Variants in CCP110 observed in about 807,000 individuals in gnomAD.
The protein encoded by CCP110 is centriolar coiled-coil protein of 110 kDa.
Under a neutral mutation model 105.5 loss-of-function variants are expected in CCP110, and 43 were observed. The ratio of observed to expected loss-of-function variants is 0.41; its 90% CI spans 0.32 to 0.53. CCP110 has a LOEUF of 0.53. CCP110 is among the 20% of genes least tolerant of loss of function. CCP110 has a pLI of 0.32. For synonymous variants in CCP110, 353 were observed against 392.1 expected, an observed-to-expected ratio of 0.90 and a Z score of 1.18; for missense variants, 1,016 against 1,189.1, an observed-to-expected ratio of 0.85 and a Z score of 2.14.
exon 15 of CCP110, chr16:19,552,399 T>A (rs954034446): frequency 2.7e-4 from 41 of 152,208 alleles, no homozygotes; most frequent in African/African-American, 8.9e-4. Context: ...TGGTGGTGCA[T>A]GCCTGTAGTT....
exon 4 of CCP110, chr16:19,536,794 G>C (rs7190666): frequency 6.2e-7 from 1 of 1,613,782 alleles, no homozygotes; most frequent in Non-Finnish European, 8.5e-7. Context: ...GTCCTAAAAT[G>C]CACCGAAGAC....
intron 2 of CCP110, among the ~76,000 whole-genome samples, chr16:19,529,565 ATG>A (rs372735335): frequency 3.3e-5 from 5 of 152,174 alleles, no homozygotes; most frequent in African/African-American, 1.2e-4. Flanking sequence ...ATATACATCT[ATG>A]TGTGTGTGTA....
chr16:19,530,770 A>C (rs540770992), intron 2 of CCP110, among the ~76,000 whole-genome samples: 27 of 152,196 alleles, frequency 1.8e-4, no homozygotes, highest in African/African-American at 6.3e-4. Flanking sequence ...CCTGGCCAAC[A>C]TGGCGAAACC....
chr16:19,538,893 C>T (rs994418520), intron 4 of CCP110, among the ~76,000 whole-genome samples: 28 of 152,052 alleles, frequency 1.8e-4, no homozygotes, highest in Admixed American at 1.3e-3. Context: ...GGGTGGATCA[C>T]TTGAGGTCAG....
At chr16:19,540,594 G>T (rs1970241895) in intron 4 of CCP110, 63 bp from the exon 5 acceptor site, 22 of 1,316,726 alleles carry the variant, frequency 1.7e-5, no homozygotes, top group Non-Finnish European at 2.3e-5. Context: ...TAAATTGATG[G>T]TATAAAATAT....
intron 12 of CCP110, 44 bp downstream of exon 12, chr16:19,546,518 T>TA: frequency 7.9e-7 from 1 of 1,263,722 alleles, no homozygotes; most frequent in Non-Finnish European, 1.1e-6. Context: ...TTTTGTTTTT[T>TA]ATAGAAAAAA....
At chr16:19,544,958 A>G (rs1346526482) in intron 9 of CCP110, 60 bp downstream of exon 9, 1 of 1,052,552 alleles carries the variant, frequency 9.5e-7, no homozygotes, top group African/African-American at 1.6e-5. Context: ...CTCCTTTTTT[A>G]TTTAATCACT....
chr16:19,535,604 G>C (rs12447447), intron 3 of CCP110, among the ~76,000 whole-genome samples: 23,246 of 152,108 alleles, frequency 0.15, 1,848 homozygotes, highest in Admixed American at 0.2. Flanking sequence ...TTAAGTGCTT[G>C]TATTCTAAGA....
chr16:19,538,973 G>A (rs570738430), intron 4 of CCP110, among the ~76,000 whole-genome samples: 218 of 151,976 alleles, frequency 1.4e-3, no homozygotes, highest in African/African-American at 5.0e-3. Flanking sequence ...TTAGCTGGGC[G>A]TAGTGGTGCA....
intron 12 of CCP110, 140 bp downstream of exon 12, chr16:19,546,614 T>G (rs1220338143): frequency 3.7e-6 from 2 of 534,794 alleles, no homozygotes; most frequent in Non-Finnish European, 6.7e-6. Flanking sequence ...GTCGGGAGTT[T>G]GAGACCAGCC....
chr16:19,539,591 TG>T (rs1490293063), intron 4 of CCP110, among the ~76,000 whole-genome samples: 1 of 151,806 alleles, frequency 6.6e-6, no homozygotes, highest in African/African-American at 2.4e-5. Flanking sequence ...TAGGCTCAGG[TG>T]ATCAGCCCTC....
exon 7 of CCP110, chr16:19,542,747 C>G: frequency 6.2e-7 from 1 of 1,613,298 alleles, no homozygotes; most frequent in East Asian, 2.2e-5. Flanking sequence ...AGAGCCAAAA[C>G]TAGATGGTCT....
chr16:19,540,608 A>G (rs1970242447), intron 4 of CCP110, 49 bp from the exon 5 acceptor site: 3 of 1,485,920 alleles, frequency 2.0e-6, no homozygotes, highest in Non-Finnish European at 2.8e-6. Context: ...AAAATATCAG[A>G]CATTAGACTT....
intron 5 of CCP110, 62 bp downstream of exon 5, chr16:19,540,849 T>G: frequency 6.5e-7 from 1 of 1,533,022 alleles, no homozygotes; most frequent in Non-Finnish European, 8.9e-7. Flanking sequence ...ACCTATGAAT[T>G]TTGGTCATGT....
At chr16:19,549,221 T>C (rs1970556808) in intron 14 of CCP110, among the ~76,000 whole-genome samples, 1 of 152,254 alleles carries the variant, frequency 6.6e-6, no homozygotes, top group East Asian at 1.9e-4. Flanking sequence ...TAGGTATCTT[T>C]GTTAAGACAC....
rs575610186 is a variant in CCP110, at chr16:19,539,333, A to G, written c.1919-1324A>G. Among the ~76,000 whole-genome samples the G allele has an allele frequency of 4.0e-5, 6 of 151,378 alleles. No homozygotes were observed. In the South Asian group the frequency reaches 8.3e-4, roughly 21 times the overall value. Reference sequence around the variant, plus strand: ...CTTATGGGAAATACAGGGTTGGGTCAGACTGCTTAAAACCTGTGCAACTTT... The same window carrying G: ...CTTATGGGAAATACAGGGTTGGGTCGGACTGCTTAAAACCTGTGCAACTTT... On this transcript the variant is annotated intron_variant, in intron 4 of 14. Transcript: ENST00000381396.
At chr16:19,538,043 C>T (rs965886914) in intron 4 of CCP110, among the ~76,000 whole-genome samples, 4 of 152,242 alleles carry the variant, frequency 2.6e-5, no homozygotes, top group Non-Finnish European at 4.4e-5. Context: ...GGATTACAGG[C>T]GTGAGCCACG....
intron 4 of CCP110, among the ~76,000 whole-genome samples, chr16:19,539,042 G>A (rs1419132406): frequency 6.6e-6 from 1 of 151,788 alleles, no homozygotes; most frequent in Non-Finnish European, 1.5e-5. Context: ...AACCCAGGAG[G>A]CGGAGGTTGC....
At chr16:19,552,915 A>C (rs1970687021) in exon 15 of CCP110, 1 of 152,200 alleles carries the variant, frequency 6.6e-6, no homozygotes, top group South Asian at 2.1e-4. Context: ...AAGATGGTCA[A>C]AAAAAGTCCA....
Sources: gnomAD v4.1 joint callset for allele counts (sites outside exome capture counted in the v4.1 genomes callset) on GRCh38, gnomAD v4.1.1 for gene constraint, MANE v1.5 for transcripts, NCBI Gene and HGNC (gene_info 2026-07-23, HGNC 2026-07-21) for gene names.